The following ATM variants were observed in gnomAD, a reference collection of about 807,000 sequenced individuals.
The protein encoded by ATM is ATM serine/threonine kinase.
Under a neutral mutation model 387.0 loss-of-function variants are expected in ATM, and 308 were observed. The observed-to-expected ratio is 0.80, with a 90% CI of 0.73 to 0.87. The LOEUF (loss-of-function observed/expected upper bound fraction) is 0.87. Among genes scored for constraint, ATM ranks in the 40% least tolerant of loss-of-function variants. The probability of loss-of-function intolerance (pLI) is 0.00; values close to 1 mark genes in which losing one functional copy is unlikely to be tolerated. For synonymous variants in ATM, 1,156 were observed against 1,187.3 expected (o/e 0.97, Z 0.54); for missense variants, 3,312 against 3,560.9 (o/e 0.93, Z 1.78).
chr11:108,266,969 T>C (rs924828640), intron 16 of ATM, among the ~76,000 whole-genome samples: 1 of 152,000 alleles, frequency 6.6e-6, no homozygotes, highest in African/African-American at 2.4e-5. Flanking sequence ...CTAATTTTTG[T>C]ATTTTAAATA....
chr11:108,235,093 TCAAGAC>T (rs1186781415), intron 4 of ATM, among the ~76,000 whole-genome samples: 1 of 152,094 alleles, frequency 6.6e-6, no homozygotes, highest in African/African-American at 2.4e-5. Flanking sequence ...GGTCAGGAGT[TCAAGAC>T]CAGCCTGGTC....
rs1264315069 is a variant in ATM, at chr11:108,248,989, A to G, written c.1122A>G (p.Gln374=). Residue 374 remains glutamine, a synonymous_variant, in exon 9 of 63, where the codon CAA becomes CAG. Transcript: ENST00000675843. ...LEISQSYTTT[Q]RESSDYSVPC... ...TTTCTCAATCTTACACTACTACACA[A>G]AGAGAATCTAGTGATTACAGTGTCC... The G allele has an allele frequency of 1.9e-6, 3 of 1,613,172 alleles. No homozygotes were observed. Among genetic ancestry groups the G allele is most frequent in the East Asian group, 4.5e-5 (2 of 44,852 alleles).
chr11:108,275,713 G>A (rs1171385134), intron 22 of ATM, among the ~76,000 whole-genome samples: 1 of 152,196 alleles, frequency 6.6e-6, no homozygotes, highest in South Asian at 2.1e-4. Flanking sequence ...GGCTTGTAAG[G>A]TTTCTGCCGA....
At chr11:108,264,431 AC>A (rs1383131953) in intron 16 of ATM, among the ~76,000 whole-genome samples, 12 of 152,122 alleles carry the variant, frequency 7.9e-5, no homozygotes, top group Non-Finnish European at 1.5e-4. Flanking sequence ...AAATTCAACA[AC>A]CCTTCATGCC....
Position 108,368,040 on chromosome 11 carries a change from C to T in ATM, c.*2532C>T. The T allele has an allele frequency of 4.8e-6, 1 of 206,874 alleles. No individual in the cohort carries two copies. The highest frequency in any genetic ancestry group is 9.9e-6 in the Non-Finnish European group (1 of 101,518). 12.8% of individuals were successfully genotyped at this position (206,874 alleles called of 1,614,324 possible). Reference sequence around the variant, plus strand: ...CTTGCTAGTTGTTGCATCCAGAGAGCTTTGAATAACATCATTAATCTACTC... The same window carrying T: ...CTTGCTAGTTGTTGCATCCAGAGAGTTTTGAATAACATCATTAATCTACTC... On this transcript the variant is annotated 3_prime_UTR_variant, in exon 63 of 63. Coordinates refer to ENST00000675843, the MANE Select transcript of ATM (RefSeq NM_000051.4).
chr11:108,343,694 C>T (rs904555033), intron 57 of ATM, among the ~76,000 whole-genome samples: 3 of 152,156 alleles, frequency 2.0e-5, no homozygotes, highest in Non-Finnish European at 4.4e-5. Flanking sequence ...CACCTGTAAT[C>T]CCAGCTACTT....
At chr11:108,312,020 G>T (rs1211831337) in intron 39 of ATM, among the ~76,000 whole-genome samples, 1 of 152,054 alleles carries the variant, frequency 6.6e-6, no homozygotes, top group East Asian at 1.9e-4. Context: ...ATTTATATCT[G>T]TTAAGTATTA....
At chr11:108,260,147 G>A (rs2080776589) in intron 16 of ATM, among the ~76,000 whole-genome samples, 1 of 149,198 alleles carries the variant, frequency 6.7e-6, no homozygotes, top group Admixed American at 6.8e-5. Flanking sequence ...AGATTCTCCT[G>A]CCTCAGCCTC....
chr11:108,297,263 T>C (rs1206171481), intron 32 of ATM, 24 bp from the exon 33 acceptor site: 2 of 1,597,664 alleles, frequency 1.3e-6, no homozygotes, highest in Non-Finnish European at 1.7e-6. Flanking sequence ...TAGTTTAAAC[T>C]AATTTTTAAA....
At chr11:108,329,952 T>C (rs2086080999) in intron 49 of ATM, among the ~76,000 whole-genome samples, 1 of 152,256 alleles carries the variant, frequency 6.6e-6, no homozygotes, top group Non-Finnish European at 1.5e-5. Flanking sequence ...GTCTTGAATC[T>C]GTATATTTTA....
chr11:108,271,549 T>A, intron 20 of ATM, 143 bp downstream of exon 20: 1 of 1,089,546 alleles, frequency 9.2e-7, no homozygotes, highest in Non-Finnish European at 1.4e-6. Flanking sequence ...GTAATTTGTG[T>A]TTCCCTCAGT....
chr11:108,358,594 C>T (rs1379361007), intron 61 of ATM, among the ~76,000 whole-genome samples: 1 of 124,546 alleles, frequency 8.0e-6, no homozygotes, highest in Non-Finnish European at 1.7e-5. Context: ...AACAGCAGAT[C>T]TCTCGGCAGA....
At position 108,316,073 on chromosome 11, in the gene ATM, C is replaced by G. The variant is rs2136130260; in HGVS notation, c.6158C>G (p.Thr2053Arg). The stretch of plus-strand genomic sequence containing the variant: ...GCCCTAGTAACATATGACCTCGAAA[C>G]AGCAATCCCCTCATCAACACGCCAG... ...GKALVTYDLE[T>R]AIPSSTRQAG... The change falls in exon 42 of 63, where the codon ACA becomes AGA. Residue 2053 changes from threonine (T) to arginine (R), a missense_variant. Thr to Arg is a moderately conservative substitution (Grantham distance 71). Coordinates refer to ENST00000675843, the MANE Select transcript of ATM (RefSeq NM_000051.4). The G allele has an allele frequency of 8.1e-6, 13 of 1,614,098 alleles. No individual in the cohort carries two copies. The highest frequency in any genetic ancestry group is 1.1e-5 in the Non-Finnish European group (13 of 1,180,008).
At chr11:108,346,614 A>G (rs1237124697) in intron 58 of ATM, 3 of 153,160 alleles carry the variant, frequency 2.0e-5, no homozygotes, top group African/African-American at 7.2e-5. Flanking sequence ...ACTCTCTTCT[A>G]CATAGAGAAT....
chr11:108,323,533 A>G lies in ATM; in HGVS notation c.6573-1777A>G, dbSNP rs2085384126. 2.6e-5 allele frequency among the ~76,000 whole-genome samples: 4 copies of G among 152,190 alleles called. No homozygotes were observed. The South Asian group carries it at 8.3e-4, about 32-fold the overall frequency. ...TAACAGTAATTTACTGTATATTTTT[A>G]AATAGCTACAAAAGAAGATTTGGAA... On this transcript the variant is annotated intron_variant, in intron 45 of 62. Coordinates refer to ENST00000675843, the MANE Select transcript of ATM (RefSeq NM_000051.4).
At chr11:108,317,180 C>G (rs935573027) in intron 42 of ATM, among the ~76,000 whole-genome samples, 193 bp from the exon 43 acceptor site, 2 of 151,744 alleles carry the variant, frequency 1.3e-5, no homozygotes, top group Non-Finnish European at 2.9e-5. Context: ...CTCAAGTGAT[C>G]CTCCTGCCTC....
intron 49 of ATM, 50 bp from the exon 50 acceptor site, chr11:108,330,161 AGTT>A: frequency 6.4e-7 from 1 of 1,559,426 alleles, no homozygotes; most frequent in South Asian, 1.1e-5. Flanking sequence ...GTGATTTTGT[AGTT>A]CTGTTAAAGT....
rs1591100144 is a variant in ATM, at chr11:108,319,999, T to C, written c.6393T>C (p.Ala2131=). The change falls in exon 44 of 63, where the codon GCT becomes GCC. Residue 2131 remains alanine (A), a synonymous_variant. Coordinates refer to ENST00000675843, the MANE Select transcript of ATM (RefSeq NM_000051.4). Reference sequence around the variant, plus strand: ...GTTACCATGAATCATTGTACAATGCTCTACAATCTCTAAGAGACAGAGAAT... The same window carrying C: ...GTTACCATGAATCATTGTACAATGCCCTACAATCTCTAAGAGACAGAGAAT... ...GTSYHESLYN[A]LQSLRDREFS... 1 of 1,612,870 alleles carries C rather than the reference T, an allele frequency of 6.2e-7. No homozygotes were observed. The highest frequency in any genetic ancestry group is 8.5e-7 in the Non-Finnish European group (1 of 1,178,992).
At position 108,251,121 on chromosome 11, in the gene ATM, C is replaced by T. The variant is rs373117923; in HGVS notation, c.1607+49C>T. On this transcript the variant is annotated intron_variant, in intron 10 of 62. Coordinates refer to ENST00000675843, the MANE Select transcript of ATM (RefSeq NM_000051.4). Reference sequence around the variant, plus strand: ...TGACTTACAGATAAACACACACAGACACACACACACTCACATATCCCTGAT... The same window carrying T: ...TGACTTACAGATAAACACACACAGATACACACACACTCACATATCCCTGAT... 1.4e-5 allele frequency: 22 copies of T among 1,601,494 alleles called. No homozygotes were observed. In the African/African-American group the frequency reaches 2.4e-4, roughly 18 times the overall value.
Sources: allele counts gnomAD v4.1 joint callset (sites outside exome capture counted in the v4.1 genomes callset), GRCh38; gene constraint gnomAD v4.1.1; transcripts MANE v1.5; gene names NCBI Gene and HGNC (gene_info 2026-07-23, HGNC 2026-07-21).